Variants in ASIC2 observed in about 807,000 individuals in gnomAD.
The protein encoded by ASIC2 is acid-sensing ion channel 2.
Under a neutral mutation model 57.3 loss-of-function variants are expected in ASIC2, and 25 were observed. The ratio of observed to expected loss-of-function variants is 0.44; its 90% CI spans 0.32 to 0.61. The LOEUF is 0.61. Among genes scored for constraint, ASIC2 ranks in the 20% least tolerant of loss-of-function variants. ASIC2 has a pLI of 0.06. For missense variants in ASIC2, 641 were observed against 738.1 expected (o/e 0.87, Z 1.52); for synonymous variants, 319 against 307.5 (o/e 1.04, Z -0.39).
intron 1 of ASIC2, among the ~76,000 whole-genome samples, chr17:34,028,573 C>T (rs1454592515): frequency 6.6e-6 from 1 of 152,222 alleles, no homozygotes. Context: ...TGGATGCTAT[C>T]TCATTTACAT....
At chr17:34,097,881 A>G (rs963272625) in intron 1 of ASIC2, among the ~76,000 whole-genome samples, 13 of 152,120 alleles carry the variant, frequency 8.5e-5, no homozygotes, top group Non-Finnish European at 1.2e-4. Flanking sequence ...CAGAATTAAC[A>G]TGGCAGACCA....
At chr17:34,005,415 A>C (rs867926650) in intron 1 of ASIC2, 53 of 152,102 alleles carry the variant, frequency 3.5e-4, no homozygotes, top group African/African-American at 1.2e-3. Flanking sequence ...TTTAAAAGCT[A>C]AACTTAAATA....
chr17:34,007,947 A>G (rs1311906806), intron 1 of ASIC2, among the ~76,000 whole-genome samples: 1 of 152,138 alleles, frequency 6.6e-6, no homozygotes, highest in East Asian at 1.9e-4. Context: ...CCTCCAACAC[A>G]CAAACATACT....
intron 1 of ASIC2, among the ~76,000 whole-genome samples, chr17:33,695,094 T>C (rs1272249719): frequency 1.3e-5 from 2 of 152,370 alleles, no homozygotes; most frequent in Non-Finnish European, 2.9e-5. Context: ...AAAAAGTTTT[T>C]TGTTTAGTAG....
intron 1 of ASIC2, among the ~76,000 whole-genome samples, chr17:33,832,751 A>G (rs1913154160): frequency 6.6e-6 from 1 of 152,240 alleles, no homozygotes; most frequent in Admixed American, 6.5e-5. Flanking sequence ...TCTAGAATAT[A>G]TTTACTCCAG....
At chr17:34,095,632 T>TA (rs1910498300) in intron 1 of ASIC2, among the ~76,000 whole-genome samples, 4 of 85,170 alleles carry the variant, frequency 4.7e-5, no homozygotes, top group East Asian at 2.5e-4. Context: ...TATATATAAT[T>TA]TTATATATAT....
At chr17:33,579,755 A>C (rs980578712) in intron 1 of ASIC2, among the ~76,000 whole-genome samples, 5 of 152,212 alleles carry the variant, frequency 3.3e-5, no homozygotes, top group African/African-American at 1.2e-4. Context: ...AAACAGCAGC[A>C]AAACTCATTC....
Position 33,602,301 on chromosome 17 carries a change from G to C in ASIC2, c.556-490234C>G, listed in dbSNP as rs139300279. ...CTGGAAACTTAATCCTTAATGCAAC[G>C]GTGTTGAGAGATGGGACTTTTAAGA... is the stretch of plus-strand genomic sequence containing the variant. On this transcript the variant is annotated intron_variant, in intron 1 of 9. Coordinates refer to the ASIC2 transcript ENST00000359872. 2.4e-3 allele frequency among the ~76,000 whole-genome samples: 366 copies of C among 152,270 alleles called. 3 individuals carry two copies. The highest frequency in any genetic ancestry group is 8.3e-3 in the African/African-American group (346 of 41,540).
intron 1 of ASIC2, among the ~76,000 whole-genome samples, chr17:33,225,405 C>T (rs1235637203): frequency 1.3e-5 from 2 of 152,218 alleles, no homozygotes; most frequent in African/African-American, 4.8e-5. Flanking sequence ...AACTTCCTCA[C>T]AGGGTTATTG....
intron 1 of ASIC2, among the ~76,000 whole-genome samples, chr17:33,823,230 C>T (rs1912802576): frequency 6.6e-6 from 1 of 152,188 alleles, no homozygotes; most frequent in Non-Finnish European, 1.5e-5. Flanking sequence ...TAGTGACAGG[C>T]AGGATGAGAT....
At chr17:33,789,451 C>A (rs1898391951) in intron 1 of ASIC2, among the ~76,000 whole-genome samples, 1 of 142,464 alleles carries the variant, frequency 7.0e-6, no homozygotes, top group Non-Finnish European at 1.5e-5. Flanking sequence ...TGAGATTTAG[C>A]AGAGAATCAT....
chr17:33,665,648 C>T (rs1218834795), intron 1 of ASIC2, among the ~76,000 whole-genome samples: 3 of 152,182 alleles, frequency 2.0e-5, no homozygotes, highest in Non-Finnish European at 4.4e-5. Flanking sequence ...AATCTCTCTT[C>T]CCAATCCACA....
chr17:33,181,224 C>G (rs1471103089), intron 1 of ASIC2, among the ~76,000 whole-genome samples: 3 of 152,272 alleles, frequency 2.0e-5, no homozygotes, highest in East Asian at 3.9e-4. Context: ...GTCCTTTACC[C>G]TCTCAGCACT....
rs796273530 is a variant in ASIC2 at position 33,670,819 on chromosome 17, G to A, written c.555+485159C>T. Among the ~76,000 whole-genome samples, 59 of 152,326 alleles carry A rather than the reference G, an allele frequency of 3.9e-4. 1 individual carries two copies. Among genetic ancestry groups the A allele is most frequent in the African/African-American group, 1.4e-3 (58 of 41,566 alleles). The stretch of plus-strand genomic sequence containing the variant: ...CCCAGGTAAATGTGCACCAGTCCTA[G>A]AGTTTATCAATTTTATTTTCACATT... On this transcript the variant is annotated intron_variant, in intron 1 of 9. Coordinates refer to the ASIC2 transcript ENST00000359872.
chr17:33,501,310 T>C (rs995437480), intron 1 of ASIC2, among the ~76,000 whole-genome samples: 3 of 152,242 alleles, frequency 2.0e-5, no homozygotes, highest in African/African-American at 4.8e-5. Context: ...GTTCTTGATC[T>C]ATAGCATCTC....
intron 1 of ASIC2, among the ~76,000 whole-genome samples, chr17:34,060,882 T>C (rs545815846): frequency 6.6e-6 from 1 of 152,108 alleles, no homozygotes; most frequent in Non-Finnish European, 1.5e-5. Flanking sequence ...ATAATCAGTG[T>C]TCCTGAGGAA....
intron 1 of ASIC2, among the ~76,000 whole-genome samples, chr17:33,911,816 C>T (rs564476748): frequency 2.6e-5 from 4 of 152,222 alleles, no homozygotes; most frequent in African/African-American, 9.6e-5. Context: ...TCAATCATTT[C>T]GCATTTTAAA....
chr17:34,089,973 T>A (rs1315725569), intron 1 of ASIC2, among the ~76,000 whole-genome samples: 1 of 152,170 alleles, frequency 6.6e-6, no homozygotes, highest in East Asian at 1.9e-4. Flanking sequence ...GTTCTGAACT[T>A]ACTAACCTCA....
At chr17:33,260,094 A>T (rs1459272723) in intron 1 of ASIC2, among the ~76,000 whole-genome samples, 1 of 152,152 alleles carries the variant, frequency 6.6e-6, no homozygotes, top group Non-Finnish European at 1.5e-5. Context: ...AGCTATGATC[A>T]TACCACCGCA....
Sources: gnomAD v4.1 joint callset for allele counts (sites outside exome capture counted in the v4.1 genomes callset) on GRCh38, gnomAD v4.1.1 for gene constraint, MANE v1.5 for transcripts, NCBI Gene and HGNC (gene_info 2026-07-23, HGNC 2026-07-21) for gene names.